The following RTKN2 variants were observed in gnomAD, a reference collection of about 807,000 sequenced individuals.
RTKN2 encodes the protein rhotekin-2.
Under a neutral mutation model 71.5 loss-of-function variants are expected in RTKN2, and 69 were observed. The ratio of observed to expected loss-of-function variants is 0.96; its 90% CI spans 0.79 to 1.18. The LOEUF (loss-of-function observed/expected upper bound fraction) is 1.18. RTKN2 is among the 50% of genes most tolerant of loss of function. The pLI is 0.00. For synonymous variants in RTKN2, 236 were observed against 236.5 expected (o/e 1.00, Z 0.02); for missense variants, 724 against 719.7 (o/e 1.01, Z -0.07).
chr10:62,241,351 T>C (rs1027632851), intron 3 of RTKN2, among the ~76,000 whole-genome samples, 156 bp from the exon 4 acceptor site: 1 of 152,206 alleles, frequency 6.6e-6, no homozygotes, highest in Non-Finnish European at 1.5e-5. Context: ...TTGTTTATAG[T>C]TTGTACTTTT....
chr10:62,254,677 C>T (rs755329776), intron 2 of RTKN2, among the ~76,000 whole-genome samples: 5 of 152,070 alleles, frequency 3.3e-5, no homozygotes, highest in African/African-American at 9.7e-5. Context: ...TGGTGGCTCA[C>T]GCCTGTAATC....
intron 2 of RTKN2, among the ~76,000 whole-genome samples, chr10:62,255,204 A>C (rs1329991060): frequency 6.6e-6 from 1 of 152,124 alleles, no homozygotes; most frequent in Non-Finnish European, 1.5e-5. Context: ...GTAATCAAAA[A>C]CCTATAAATA....
Position 62,197,783 on chromosome 10 carries a change from A to G in RTKN2, c.*125T>C, listed in dbSNP as rs1488960210. On this transcript the variant is annotated 3_prime_UTR_variant, in exon 12 of 12. Transcript: ENST00000373789. The stretch of plus-strand genomic sequence containing the variant: ...ATTATAAAATGTTTTTCTATACCTA[A>G]TAGCTTATTAATTATTGGTATAAAT... 39 of 1,428,898 alleles carry G rather than the reference A, an allele frequency of 2.7e-5. No homozygotes were observed. The highest frequency in any genetic ancestry group is 3.2e-5 in the Non-Finnish European group (35 of 1,092,340). 88.5% of individuals were successfully genotyped at this position (1,428,898 alleles called of 1,614,324 possible).
intron 6 of RTKN2, among the ~76,000 whole-genome samples, chr10:62,234,361 C>G (rs538347287): frequency 1.3e-5 from 2 of 151,886 alleles, no homozygotes; most frequent in East Asian, 3.9e-4. Flanking sequence ...CCTATCTCTA[C>G]AAGAAAAATA....
downstream of RTKN2, among the ~76,000 whole-genome samples, chr10:62,188,395 C>T (rs1404413894): frequency 2.0e-5 from 3 of 152,184 alleles, no homozygotes; most frequent in South Asian, 6.2e-4. Flanking sequence ...TTCTTATGAC[C>T]TAGCCTCATG....
At position 62,198,183 on chromosome 10, in the gene RTKN2, G is replaced by A. The variant is rs572354868; in HGVS notation, c.1555C>T (p.Gln519Ter). 3 of 1,614,022 alleles carry A rather than the reference G, an allele frequency of 1.9e-6. No individual in the cohort carries two copies. Among genetic ancestry groups the A allele is most frequent in the Middle Eastern group, 1.6e-4 (1 of 6,062 alleles). The stretch of plus-strand genomic sequence containing the variant: ...TTAACCAATTGATCTGTGTTACTCT[G>A]TGATTTTAAGCTGAATGGAAGTTTA... ...SDKLPFSLKS[Q>*]SNTDQLVKDN... The change falls in exon 12 of 12, where the codon CAG (glutamine) becomes TAG (stop). Residue 519 changes from glutamine (Q) to a stop codon, truncating the protein, a stop_gained. Coordinates refer to ENST00000373789, the MANE Select transcript of RTKN2 (RefSeq NM_145307.4). LOFTEE classifies it high-confidence loss of function.
intron 8 of RTKN2, among the ~76,000 whole-genome samples, chr10:62,217,673 CCCTTTAAG>C (rs1364387054): frequency 6.6e-6 from 1 of 152,132 alleles, no homozygotes; most frequent in Non-Finnish European, 1.5e-5. Flanking sequence ...ATGTCAACTA[CCCTTTAAG>C]AATGCAAATT....
chr10:62,201,358 A>G (rs1462823602), intron 10 of RTKN2, among the ~76,000 whole-genome samples: 5 of 152,196 alleles, frequency 3.3e-5, no homozygotes, highest in Non-Finnish European at 7.4e-5. Context: ...GCCTTTCAGT[A>G]TGTTTTATTA....
In RTKN2 at chr10:62,217,244, C is replaced by T. The variant is rs1252823652; in HGVS notation, c.894G>A (p.Met298Ile). The part of the protein sequence containing the change: ...AFAGFLNQQQ[M>I]VEGLISWRRL... ...TTCTCCAACTAATCAGACCTTCTAC[C>T]ATTTGCTGAAAAAAAAAAAAAAAAA... The change falls in exon 9 of 12, where the codon ATG (methionine) becomes ATA (isoleucine). Residue 298 changes from methionine to isoleucine, a missense_variant. By Grantham distance (10) the Met-to-Ile change is conservative. Coordinates refer to ENST00000373789, the MANE Select transcript of RTKN2 (RefSeq NM_145307.4). The T allele has an allele frequency of 3.4e-6, 5 of 1,460,480 alleles. No homozygotes were observed. Among genetic ancestry groups the T allele is most frequent in the Non-Finnish European group, 4.5e-6 (5 of 1,113,888 alleles). The allele number at this position is 1,460,480 out of a possible 1,614,324, so 90.5% of individuals were successfully genotyped here.
In RTKN2 at chr10:62,197,900, A is replaced by C. The variant is rs904660948; in HGVS notation, c.*8T>G. 1.3e-6 allele frequency: 2 copies of C among 1,595,228 alleles called. No homozygotes were observed. Among genetic ancestry groups the C allele is most frequent in the African/African-American group, 2.7e-5 (2 of 73,834 alleles). ...GATTTTGTTAAATGTTTTATCATTA[A>C]GAGTTTTCTATACTTGTGCCTGCAG... On this transcript the variant is annotated 3_prime_UTR_variant, in exon 12 of 12. Coordinates refer to ENST00000373789, the MANE Select transcript of RTKN2 (RefSeq NM_145307.4).
chr10:62,189,726 T>C (rs565300859), downstream of RTKN2, among the ~76,000 whole-genome samples: 2 of 152,160 alleles, frequency 1.3e-5, no homozygotes, highest in East Asian at 3.9e-4. Context: ...CTCGGGAGGC[T>C]GAGGGAGGAG....
In RTKN2 at chr10:62,239,671, T is replaced by C; in HGVS notation, c.465A>G (p.Ile155Met). 1.3e-6 allele frequency: 2 copies of C among 1,500,906 alleles called. No homozygotes were observed. 93.0% of individuals were successfully genotyped at this position (1,500,906 alleles called of 1,614,324 possible). ...ACAATATGGTTACATTTTCAAAACA[T>C]ATATCTGTGATTGTTTTATCCACAT... ...VVNVDKTITD[I>M]CFENVTIFNE... The change falls in exon 5 of 12, where the codon ATA (isoleucine) becomes ATG (methionine). Residue 155 changes from isoleucine to methionine, a missense_variant. By Grantham distance (10) the Ile-to-Met change is conservative. Coordinates refer to ENST00000373789, the MANE Select transcript of RTKN2 (RefSeq NM_145307.4).
chr10:62,184,984 G>A (rs955051289), intron 8 of RTKN2, among the ~76,000 whole-genome samples: 4 of 152,076 alleles, frequency 2.6e-5, no homozygotes, highest in African/African-American at 9.7e-5. Context: ...ACCACTAATT[G>A]GTAAGCGGTC....
chr10:62,247,559 G>T (rs757779239), intron 2 of RTKN2, among the ~76,000 whole-genome samples: 1 of 151,784 alleles, frequency 6.6e-6, no homozygotes, highest in Non-Finnish European at 1.5e-5. Flanking sequence ...TCAAAATAAA[G>T]TTTCATTGAA....
At chr10:62,208,997 C>T (rs1188635004) in intron 9 of RTKN2, among the ~76,000 whole-genome samples, 7 of 152,232 alleles carry the variant, frequency 4.6e-5, no homozygotes, top group East Asian at 1.9e-4. Context: ...AGGCTGGGTG[C>T]GGTGGCTCAT....
At chr10:62,257,571 G>A (rs931146876) in intron 2 of RTKN2, among the ~76,000 whole-genome samples, 4 of 152,122 alleles carry the variant, frequency 2.6e-5, no homozygotes, top group South Asian at 2.1e-4. Flanking sequence ...AACTATTTTC[G>A]GGATACCAAT....
chr10:62,242,871 T>C (rs1000517572), intron 3 of RTKN2, among the ~76,000 whole-genome samples: 1 of 152,188 alleles, frequency 6.6e-6, no homozygotes, highest in East Asian at 1.9e-4. Context: ...CCTCAAGTGA[T>C]CTGCCTGCTT....
At chr10:62,220,826 G>A (rs1478731591) in intron 7 of RTKN2, among the ~76,000 whole-genome samples, 9 of 151,826 alleles carry the variant, frequency 5.9e-5, no homozygotes, top group Admixed American at 5.9e-4. Flanking sequence ...GTGACATACT[G>A]GCAAATGATT....
At chr10:62,223,055 C>A (rs770347221) in intron 7 of RTKN2, among the ~76,000 whole-genome samples, 183 bp downstream of exon 7, 1 of 152,098 alleles carries the variant, frequency 6.6e-6, no homozygotes, top group Non-Finnish European at 1.5e-5. Flanking sequence ...GCAAGCAAAT[C>A]TCAGTGTAGA....
Sources: gnomAD v4.1 joint callset for allele counts (sites outside exome capture counted in the v4.1 genomes callset) on GRCh38, gnomAD v4.1.1 for gene constraint, MANE v1.5 for transcripts, NCBI Gene and HGNC (gene_info 2026-07-23, HGNC 2026-07-21) for gene names.